Variants in GPC5 observed in about 807,000 individuals in gnomAD.
The protein encoded by GPC5 is glypican 5.
A neutral mutation model predicts 53.9 loss-of-function variants in GPC5; 47 were observed. The ratio of observed to expected loss-of-function variants is 0.87; its 90% CI spans 0.69 to 1.11. The LOEUF is 1.11. Among genes scored for constraint, GPC5 ranks in the 50% most tolerant of loss-of-function variants. GPC5 has a pLI of 0.00. For missense variants in GPC5, 748 were observed against 713.1 expected (o/e 1.05, Z -0.56); for synonymous variants, 286 against 263.3 (o/e 1.09, Z -0.84).
Position 91,843,916 on chromosome 13 carries a change from A to G in GPC5, c.1281-64021A>G, listed in dbSNP as rs146061161. ...AGATGAATGTGAACACCAAGCCTTC[A>G]AGGTTCAGTGGCTTCAGGGATAGTT... On this transcript the variant is annotated intron_variant, in intron 5 of 7. Transcript: ENST00000377067. Among the ~76,000 whole-genome samples, 610 of 152,312 alleles carry G rather than the reference A, an allele frequency of 4.0e-3. 8 individuals are homozygous for G. The highest frequency in any genetic ancestry group is 0.014 in the African/African-American group (582 of 41,582).
chr13:92,764,402 TG>T (rs1036102745), intron 7 of GPC5, among the ~76,000 whole-genome samples: 1 of 152,174 alleles, frequency 6.6e-6, no homozygotes, highest in Non-Finnish European at 1.5e-5. Context: ...GTATGGCTCA[TG>T]GGGGCTAGGA....
chr13:92,610,125 G>A (rs1264603998), intron 7 of GPC5, among the ~76,000 whole-genome samples: 3 of 148,554 alleles, frequency 2.0e-5, no homozygotes, highest in African/African-American at 4.9e-5. Flanking sequence ...TTTTTAAAAA[G>A]AGAGATTTCT....
chr13:91,497,025 T>A (rs1884306816), intron 2 of GPC5, among the ~76,000 whole-genome samples: 1 of 152,196 alleles, frequency 6.6e-6, no homozygotes, highest in South Asian at 2.1e-4. Context: ...TCTTCCCTTT[T>A]ATATATACGT....
chr13:92,075,623 G>A (rs540802263), intron 6 of GPC5, among the ~76,000 whole-genome samples: 23 of 152,188 alleles, frequency 1.5e-4, no homozygotes, highest in Middle Eastern at 3.4e-3. Context: ...ATACATAAGA[G>A]ATTATCTGTG....
intron 6 of GPC5, among the ~76,000 whole-genome samples, chr13:92,123,043 A>G (rs2041664108): frequency 6.6e-6 from 1 of 152,122 alleles, no homozygotes; most frequent in South Asian, 2.1e-4. Flanking sequence ...TGTGAGGGCA[A>G]AATGCCCTGT....
At chr13:91,776,285 C>G (rs763268501) in intron 5 of GPC5, among the ~76,000 whole-genome samples, 3 of 152,146 alleles carry the variant, frequency 2.0e-5, no homozygotes, top group Non-Finnish European at 1.5e-5. Context: ...CACCCCATTT[C>G]AAGGGTTCTT....
At chr13:92,223,835 T>C (rs2042465973) in intron 7 of GPC5, among the ~76,000 whole-genome samples, 1 of 152,144 alleles carries the variant, frequency 6.6e-6, no homozygotes, top group South Asian at 2.1e-4. Context: ...GTCAACAAAA[T>C]GTTTTGTAAA....
chr13:91,738,687 G>T (rs1256761253), intron 4 of GPC5, among the ~76,000 whole-genome samples: 1 of 150,532 alleles, frequency 6.6e-6, no homozygotes, highest in Non-Finnish European at 1.5e-5. Context: ...TTCTCTTAAT[G>T]GTTATTATAG....
intron 7 of GPC5, among the ~76,000 whole-genome samples, chr13:92,728,799 A>G (rs1888719847): frequency 6.6e-6 from 1 of 151,392 alleles, no homozygotes; most frequent in Non-Finnish European, 1.5e-5. Flanking sequence ...TGCATGTTGC[A>G]TTAATAATTG....
At chr13:92,757,353 T>C (rs898864335) in intron 7 of GPC5, among the ~76,000 whole-genome samples, 27 of 152,308 alleles carry the variant, frequency 1.8e-4, no homozygotes, top group Non-Finnish European at 2.6e-4. Flanking sequence ...AAGACTTAAA[T>C]GTTAGACCTA....
chr13:92,155,366 A>C (rs9583996), intron 7 of GPC5, among the ~76,000 whole-genome samples: 86,842 of 151,724 alleles, frequency 0.57, 25,268 homozygotes, highest in South Asian at 0.77. Context: ...CCCTCAGTGC[A>C]CAATGATTTG....
chr13:92,264,874 C>CTGTGTG lies in GPC5; in HGVS notation c.1561+119886_1561+119887insGTGTGT, dbSNP rs1435619957. Among the ~76,000 whole-genome samples, 15 of 116,614 alleles carry CTGTGTG rather than the reference C, an allele frequency of 1.3e-4. No homozygotes were observed. In the East Asian group the frequency reaches 2.3e-3, roughly 18 times the overall value. 76.5% of individuals were successfully genotyped at this position (116,614 alleles called of 152,430 possible). ...TTAGGGTCTCTCTCTCTCTCTCTCT[C>CTGTGTG]TCTCTGTGTGTGTGTGTGTGTGTGT... On this transcript the variant is annotated intron_variant, in intron 7 of 7. Transcript: ENST00000377067.
chr13:92,451,963 G>A (rs1042099057), intron 7 of GPC5, among the ~76,000 whole-genome samples: 18 of 152,136 alleles, frequency 1.2e-4, no homozygotes, highest in Non-Finnish European at 4.4e-5. Flanking sequence ...CTCCTACTCT[G>A]TAATATCATG....
intron 7 of GPC5, among the ~76,000 whole-genome samples, chr13:92,296,610 T>C (rs2043036384): frequency 6.6e-6 from 1 of 152,082 alleles, no homozygotes; most frequent in Non-Finnish European, 1.5e-5. Context: ...GGGAGCCCCT[T>C]TCTGGGCTGG....
At chr13:91,831,168 A>G (rs2038653519) in intron 5 of GPC5, among the ~76,000 whole-genome samples, 1 of 149,618 alleles carries the variant, frequency 6.7e-6, no homozygotes, top group Admixed American at 6.8e-5. Flanking sequence ...AAGTCCCACA[A>G]TACACTGCCT....
chr13:91,875,061 G>A (rs2039187108), intron 5 of GPC5, among the ~76,000 whole-genome samples: 1 of 152,158 alleles, frequency 6.6e-6, no homozygotes, highest in Non-Finnish European at 1.5e-5. Flanking sequence ...AATCTCCAAG[G>A]CTGTTGCTGT....
chr13:91,943,691 A>G (rs2039948652), intron 6 of GPC5, among the ~76,000 whole-genome samples: 1 of 152,148 alleles, frequency 6.6e-6, no homozygotes, highest in African/African-American at 2.4e-5. Context: ...TAGGAGTAGG[A>G]CGGATTATAT....
intron 7 of GPC5, among the ~76,000 whole-genome samples, chr13:92,146,560 A>T (rs2041868748): frequency 6.6e-6 from 1 of 152,114 alleles, no homozygotes; most frequent in South Asian, 2.1e-4. Flanking sequence ...ATGTTTGGTT[A>T]CATGAGTAAG....
rs148555953 is a variant in GPC5, at chr13:91,801,981, A to G, written c.1280+45561A>G. 5.9e-3 allele frequency among the ~76,000 whole-genome samples: 897 copies of G among 152,322 alleles called. 7 individuals carry two copies. The highest frequency in any genetic ancestry group is 0.017 in the Middle Eastern group (5 of 294). On this transcript the variant is annotated intron_variant, in intron 5 of 7. Coordinates refer to ENST00000377067, the MANE Select transcript of GPC5 (RefSeq NM_004466.6). Reference sequence around the variant, plus strand: ...CTGCCTTGGATTTCTAGGCATGGTTAAAGCAGATGTCCCTATGTACTAAAC... The same window carrying G: ...CTGCCTTGGATTTCTAGGCATGGTTGAAGCAGATGTCCCTATGTACTAAAC...
Sources: gnomAD v4.1 joint callset for allele counts (sites outside exome capture counted in the v4.1 genomes callset) on GRCh38, gnomAD v4.1.1 for gene constraint, MANE v1.5 for transcripts, NCBI Gene and HGNC (gene_info 2026-07-23, HGNC 2026-07-21) for gene names.